LMBR1: variants seen among roughly 807,000 people sequenced by gnomAD.
LMBR1 encodes limb development membrane protein 1, also known as limb region 1 protein homolog.
Under a neutral mutation model 73.9 loss-of-function variants are expected in LMBR1, and 52 were observed. That is an observed-to-expected ratio of 0.70 (90% CI 0.56 to 0.89). LMBR1 has a LOEUF of 0.89. LMBR1 is among the 40% of genes least tolerant of loss of function. LMBR1 has a pLI of 0.00. For synonymous variants in LMBR1, 215 were observed against 209.4 expected (o/e 1.03, Z -0.23); for missense variants, 539 against 579.8 (o/e 0.93, Z 0.72).
chr7:156,873,557 T>C (rs1386026177), intron 1 of LMBR1, among the ~76,000 whole-genome samples: 1 of 152,162 alleles, frequency 6.6e-6, no homozygotes, highest in African/African-American at 2.4e-5. Flanking sequence ...CCCAGTGGCC[T>C]GTTTTGTCAG....
At chr7:156,825,282 C>T (rs1026099115) in intron 4 of LMBR1, among the ~76,000 whole-genome samples, 4 of 152,156 alleles carry the variant, frequency 2.6e-5, no homozygotes, top group African/African-American at 9.7e-5. Flanking sequence ...TAACTATTAA[C>T]ACTGATAACA....
chr7:156,680,403 A>AGAGTGTGTGTGTGTGTGTGT lies in LMBR1; in HGVS notation c.*3674_*3675insACACACACACACACACACTC, dbSNP rs1343950098. 1.2e-3 allele frequency: 146 copies of AGAGTGTGTGTGTGTGTGTGT among 125,158 alleles called. No individual in the cohort carries two copies. The highest frequency in any genetic ancestry group is 1.3e-3 in the African/African-American group (42 of 32,668). The allele number at this position is 125,158 out of a possible 1,614,324, so 7.8% of individuals were successfully genotyped here. The stretch of plus-strand genomic sequence containing the variant: ...GAGAGAGAGAGAGAGAGAGAGAGAG[A>AGAGTGTGTGTGTGTGTGTGT]GTGTGTGTGTGTGTGTGTGTGTAAT... On this transcript the variant is annotated 3_prime_UTR_variant, in exon 17 of 17. Transcript: ENST00000353442.
In LMBR1 at chr7:156,836,579, T is replaced by C. The variant is rs143258722; in HGVS notation, c.139+234A>G. 4.3e-4 allele frequency among the ~76,000 whole-genome samples: 65 copies of C among 152,302 alleles called. No homozygotes were observed. In the East Asian group the frequency reaches 0.011, roughly 26 times the overall value. ...ATACTAAATAGCCTAGCACTATTCTTAGTTGGACATAAGAATTGTGATAAA... is the reference window on the plus strand; with the variant it reads ...ATACTAAATAGCCTAGCACTATTCTCAGTTGGACATAAGAATTGTGATAAA... On this transcript the variant is annotated intron_variant, in intron 2 of 16. Transcript: ENST00000353442.
At chr7:156,811,303 T>C (rs1487825411) in intron 4 of LMBR1, among the ~76,000 whole-genome samples, 1 of 152,080 alleles carries the variant, frequency 6.6e-6, no homozygotes, top group Non-Finnish European at 1.5e-5. Flanking sequence ...CTGGAACATA[T>C]GGAATAGTTA....
intron 9 of LMBR1, among the ~76,000 whole-genome samples, chr7:156,744,087 G>A (rs1476319817): frequency 1.3e-5 from 2 of 151,994 alleles, no homozygotes; most frequent in Non-Finnish European, 2.9e-5. Flanking sequence ...TTTTTTTTAA[G>A]AGACAGGGTC....
At chr7:156,800,666 G>T (rs1406321041) in intron 4 of LMBR1, among the ~76,000 whole-genome samples, 1 of 152,124 alleles carries the variant, frequency 6.6e-6, no homozygotes, top group Admixed American at 6.5e-5. Context: ...TATTATTTAA[G>T]ATACATTCTG....
chr7:156,889,540 C>T (rs958453769), intron 1 of LMBR1, among the ~76,000 whole-genome samples: 5 of 152,130 alleles, frequency 3.3e-5, no homozygotes, highest in Non-Finnish European at 7.3e-5. Context: ...GAACCCTGAG[C>T]CTGGTCACTG....
intron 16 of LMBR1, 47 bp from the exon 17 acceptor site, chr7:156,684,210 G>A: frequency 1.4e-6 from 2 of 1,419,506 alleles, no homozygotes; most frequent in South Asian, 2.3e-5. Context: ...ATTGCTGAGT[G>A]GCTGGGAAAG....
chr7:156,675,109 T>C (rs745346334), downstream of LMBR1, among the ~76,000 whole-genome samples: 2 of 152,204 alleles, frequency 1.3e-5, no homozygotes, highest in South Asian at 2.1e-4. Context: ...CCGGAAGAGA[T>C]AGTGCAGACC....
chr7:156,817,044 T>A (rs1585996847), intron 4 of LMBR1, among the ~76,000 whole-genome samples: 1 of 152,140 alleles, frequency 6.6e-6, no homozygotes. Flanking sequence ...TTGAAAGATA[T>A]CCAATGCCCA....
At chr7:156,818,318 T>C (rs1032660933) in intron 4 of LMBR1, among the ~76,000 whole-genome samples, 3 of 152,206 alleles carry the variant, frequency 2.0e-5, no homozygotes, top group African/African-American at 7.2e-5. Context: ...ACACAGTCCT[T>C]GCAGTGACTT....
chr7:156,837,004 G>A (rs780273674), intron 1 of LMBR1, 119 bp from the exon 2 acceptor site: 1 of 681,728 alleles, frequency 1.5e-6, no homozygotes, highest in Non-Finnish European at 2.4e-6. Flanking sequence ...AAGTTAAAAT[G>A]CTGGACATTT....
At chr7:156,719,489 G>A (rs1585360841) in intron 15 of LMBR1, among the ~76,000 whole-genome samples, 1 of 152,122 alleles carries the variant, frequency 6.6e-6, no homozygotes, top group African/African-American at 2.4e-5. Context: ...CCATGCTCAT[G>A]GGTAGGAAGA....
chr7:156,692,081 C>T (rs1807316983), intron 15 of LMBR1, among the ~76,000 whole-genome samples: 2 of 152,042 alleles, frequency 1.3e-5, no homozygotes, highest in East Asian at 3.9e-4. Flanking sequence ...AAACGCTTTA[C>T]CTTTTTTTTT....
At position 156,679,393 on chromosome 7, in the gene LMBR1, G is replaced by C. The variant is rs1012068608; in HGVS notation, c.*4685C>G. ...GGCGAGGAGGAAGTGAGCAGGAGGAGGACGATGCTCCACTTGTCACTTAGT... is the reference window on the plus strand; with the variant it reads ...GGCGAGGAGGAAGTGAGCAGGAGGACGACGATGCTCCACTTGTCACTTAGT... On this transcript the variant is annotated 3_prime_UTR_variant, in exon 17 of 17. Coordinates refer to ENST00000353442, the MANE Select transcript of LMBR1 (RefSeq NM_022458.4). 4 of 152,222 alleles carry C rather than the reference G, an allele frequency of 2.6e-5. No homozygotes were observed. The highest frequency in any genetic ancestry group is 2.0e-4 in the Admixed American group (3 of 15,282). 9.4% of individuals were successfully genotyped at this position (152,222 alleles called of 1,614,324 possible). A position where few individuals can be genotyped will look rare whatever the true frequency, so the allele number is the denominator to read the frequency against.
chr7:156,750,735 A>T (rs1820721893), intron 9 of LMBR1, among the ~76,000 whole-genome samples: 1 of 152,184 alleles, frequency 6.6e-6, no homozygotes, highest in African/African-American at 2.4e-5. Flanking sequence ...AACATTATAG[A>T]ATCAGGGTAC....
chr7:156,704,894 G>T lies in LMBR1; in HGVS notation c.1226-16703C>A, dbSNP rs964214860. On this transcript the variant is annotated intron_variant, in intron 15 of 16. Coordinates refer to ENST00000353442, the MANE Select transcript of LMBR1 (RefSeq NM_022458.4). ...AGACAGGTCTTTTGAAATAATCCAGGCAGACAAAAATAAAGAAAAAGGAAC... is the reference window on the plus strand; with the variant it reads ...AGACAGGTCTTTTGAAATAATCCAGTCAGACAAAAATAAAGAAAAAGGAAC... Among the ~76,000 whole-genome samples, 3 of 151,742 alleles carry T rather than the reference G, an allele frequency of 2.0e-5. No individual in the cohort carries two copies. The South Asian group carries it at 6.2e-4, about 32-fold the overall frequency.
At chr7:156,677,780 G>A (rs1252514453), downstream of LMBR1, 1 of 152,114 alleles carries the variant, frequency 6.6e-6, no homozygotes, top group Non-Finnish European at 1.5e-5. Flanking sequence ...GCATATATTG[G>A]GATGTGCTCA....
intron 15 of LMBR1, among the ~76,000 whole-genome samples, chr7:156,703,208 G>T (rs1392585704): frequency 6.6e-6 from 1 of 152,214 alleles, no homozygotes; most frequent in Non-Finnish European, 1.5e-5. Context: ...GATCTTAGCT[G>T]CTCAACAATG....
Sources: allele counts gnomAD v4.1 joint callset (sites outside exome capture counted in the v4.1 genomes callset), GRCh38; gene constraint gnomAD v4.1.1; transcripts MANE v1.5; gene names NCBI Gene and HGNC (gene_info 2026-07-23, HGNC 2026-07-21).